The following ADGRL2 variants were observed in gnomAD, a reference collection of about 807,000 sequenced individuals.
ADGRL2 encodes adhesion G protein-coupled receptor L2.
A neutral mutation model predicts 157.4 loss-of-function variants in ADGRL2; 44 were observed. The ratio of observed to expected loss-of-function variants is 0.28; its 90% CI spans 0.22 to 0.36. ADGRL2 has a LOEUF of 0.36. ADGRL2 is among the 10% of genes least tolerant of loss of function. ADGRL2 has a pLI of 1.00. For missense variants in ADGRL2, 1,510 were observed against 1,768.9 expected (o/e 0.85, Z 2.63); for synonymous variants, 585 against 624.7 (o/e 0.94, Z 0.95).
chr1:81,599,565 G>A (rs1450695943), intron 3 of ADGRL2, among the ~76,000 whole-genome samples: 1 of 152,130 alleles, frequency 6.6e-6, no homozygotes, highest in Non-Finnish European at 1.5e-5. Flanking sequence ...TTCTTCTTGG[G>A]TGAAAAATAA....
chr1:81,772,561 T>C (rs2086419095), intron 2 of ADGRL2, among the ~76,000 whole-genome samples: 2 of 151,688 alleles, frequency 1.3e-5, no homozygotes, highest in African/African-American at 4.8e-5. Context: ...AAACCTTGTC[T>C]CTCCTAAAAA....
At chr1:81,400,689 A>T (rs1204323531) in intron 1 of ADGRL2, among the ~76,000 whole-genome samples, 1 of 152,170 alleles carries the variant, frequency 6.6e-6, no homozygotes, top group East Asian at 1.9e-4. Context: ...CAGGTGCAGC[A>T]GCAGCAAGTA....
At chr1:81,886,033 G>A (rs1276961958) in intron 2 of ADGRL2, among the ~76,000 whole-genome samples, 2 of 151,976 alleles carry the variant, frequency 1.3e-5, no homozygotes, top group South Asian at 2.1e-4. Context: ...TGACTCCCTG[G>A]GTATCTTCAA....
At chr1:81,791,570 T>C (rs764578950) in intron 2 of ADGRL2, among the ~76,000 whole-genome samples, 3 of 151,130 alleles carry the variant, frequency 2.0e-5, no homozygotes, top group Non-Finnish European at 4.4e-5. Context: ...TCAAACCTAA[T>C]ATAATGGGTC....
chr1:81,378,971 ATTGCCATAT>A (rs1444645898), intron 1 of ADGRL2, among the ~76,000 whole-genome samples: 3 of 152,110 alleles, frequency 2.0e-5, no homozygotes, highest in Admixed American at 2.0e-4. Context: ...ATGATATTTG[ATTGCCATAT>A]TTGTTAATAC....
At chr1:81,801,729 C>T (rs1571287379) in intron 1 of ADGRL2, among the ~76,000 whole-genome samples, 1 of 152,280 alleles carries the variant, frequency 6.6e-6, no homozygotes, top group East Asian at 1.9e-4. Flanking sequence ...CGGCCGGGCG[C>T]TCGGGGGGCT....
intron 2 of ADGRL2, among the ~76,000 whole-genome samples, chr1:81,533,695 G>A (rs1000780452): frequency 1.3e-5 from 2 of 152,114 alleles, no homozygotes; most frequent in Non-Finnish European, 2.9e-5. Flanking sequence ...TGCATTGAAA[G>A]CATAGTCTTA....
intron 1 of ADGRL2, among the ~76,000 whole-genome samples, chr1:81,815,237 A>G (rs1162984630): frequency 6.6e-6 from 1 of 151,828 alleles, no homozygotes; most frequent in Non-Finnish European, 1.5e-5. Flanking sequence ...TTGACCAAAT[A>G]TAAGTCAAAG....
At chr1:81,866,045 G>A (rs1387373907) in intron 2 of ADGRL2, among the ~76,000 whole-genome samples, 1 of 152,158 alleles carries the variant, frequency 6.6e-6, no homozygotes, top group Non-Finnish European at 1.5e-5. Flanking sequence ...TTAGAGCTGA[G>A]ATTAAAATCG....
chr1:81,334,311 G>A (rs1432760848), intron 1 of ADGRL2, among the ~76,000 whole-genome samples: 1 of 152,046 alleles, frequency 6.6e-6, no homozygotes, highest in African/African-American at 2.4e-5. Flanking sequence ...TCAATAATGT[G>A]TATATTACAT....
chr1:81,981,751 G>A (rs555734792), intron 18 of ADGRL2, 57 bp from the exon 19 acceptor site: 58 of 1,331,194 alleles, frequency 4.4e-5, no homozygotes, highest in Middle Eastern at 1.9e-4. Flanking sequence ...ACATTTAAGC[G>A]TGATGTGTGT....
rs1181019610 is a variant in ADGRL2, at chr1:81,990,822, T to C, written c.4087T>C (p.Ser1363Pro). ...GTCCGAGGGAACTGACAGCTATGTC[T>C]CCCAACTGACAGCAGAGGCTGAAGA... is the stretch of plus-strand genomic sequence containing the variant. ...VKSEGTDSYV[S>P]QLTAEAEDHL... The change falls in exon 24 of 24, where the codon TCC (serine) becomes CCC (proline). Residue 1363 changes from serine to proline, a missense_variant. Ser to Pro is a moderately conservative substitution (Grantham distance 74). Around this residue, in one of 4 missense-constraint regions of ADGRL2, gnomAD observed 327 missense variants for 310.1 expected, o/e 1.05. Coordinates refer to ENST00000686636, the MANE Select transcript of ADGRL2 (RefSeq NM_001366006.2). 3.1e-6 allele frequency: 5 copies of C among 1,613,972 alleles called. No homozygotes were observed. In the South Asian group the frequency reaches 5.5e-5, roughly 18 times the overall value.
At chr1:81,557,531 A>AAAGAG (rs1557459416) in intron 2 of ADGRL2, 206 of 150,638 alleles carry the variant, frequency 1.4e-3, no homozygotes, top group African/African-American at 4.3e-3. Flanking sequence ...GAAAGAGAAG[A>AAAGAG]AAGAAAGAAA....
At chr1:81,602,650 G>T (rs2081355935) in intron 3 of ADGRL2, among the ~76,000 whole-genome samples, 1 of 151,560 alleles carries the variant, frequency 6.6e-6, no homozygotes, top group African/African-American at 2.4e-5. Context: ...TGTAATCCCA[G>T]CACTTTGGTA....
At chr1:81,683,561 G>C (rs1191451070) in intron 3 of ADGRL2, among the ~76,000 whole-genome samples, 1 of 152,076 alleles carries the variant, frequency 6.6e-6, no homozygotes, top group East Asian at 1.9e-4. Flanking sequence ...TTCCATTCCT[G>C]AGTTACTTCA....
At chr1:81,515,349 T>C (rs879402031) in intron 2 of ADGRL2, among the ~76,000 whole-genome samples, 2 of 152,034 alleles carry the variant, frequency 1.3e-5, no homozygotes, top group Non-Finnish European at 2.9e-5. Context: ...AGGCTAATAA[T>C]GTGGTTCTGC....
chr1:81,405,922 T>C (rs1411866707), intron 1 of ADGRL2, among the ~76,000 whole-genome samples: 1 of 152,318 alleles, frequency 6.6e-6, no homozygotes, highest in Non-Finnish European at 1.5e-5. Context: ...AAAAGTTATA[T>C]AATTTTAGTC....
chr1:81,899,602 A>G (rs1264415470), intron 2 of ADGRL2, among the ~76,000 whole-genome samples: 1 of 152,232 alleles, frequency 6.6e-6, no homozygotes, highest in East Asian at 1.9e-4. Flanking sequence ...ACATTTGCAC[A>G]GCACAAAGCT....
In ADGRL2 at chr1:81,360,639, G is replaced by A. The variant is rs536266987; in HGVS notation, c.-302+54130G>A. 4.6e-5 allele frequency among the ~76,000 whole-genome samples: 7 copies of A among 151,916 alleles called. No homozygotes were observed. In the South Asian group the frequency reaches 1.2e-3, roughly 27 times the overall value. On this transcript the variant is annotated intron_variant, in intron 1 of 24. Coordinates refer to the ADGRL2 transcript ENST00000370721. ...TAAAATATAAATCCCATGAGAACAGGCATCATAGCCACCTTTTCTCATATC... is the reference window on the plus strand; with the variant it reads ...TAAAATATAAATCCCATGAGAACAGACATCATAGCCACCTTTTCTCATATC...
Sources: gnomAD v4.1 joint callset for allele counts (sites outside exome capture counted in the v4.1 genomes callset) on GRCh38, gnomAD v4.1.1 for gene constraint, gnomAD v4.1.1 regional missense constraint, MANE v1.5 for transcripts, NCBI Gene and HGNC (gene_info 2026-07-23, HGNC 2026-07-21) for gene names.